GPC6: variants seen among roughly 807,000 people sequenced by gnomAD.
The protein encoded by GPC6 is glypican-6.
Under a neutral mutation model 55.2 loss-of-function variants are expected in GPC6, and 14 were observed. The ratio of observed to expected loss-of-function variants is 0.25; its 90% CI spans 0.17 to 0.40. GPC6 has a LOEUF of 0.40. Among genes scored for constraint, GPC6 ranks in the 10% least tolerant of loss-of-function variants. The pLI is 1.00. For missense variants in GPC6, 641 were observed against 708.5 expected (o/e 0.90, Z 1.08); for synonymous variants, 278 against 259.6 (o/e 1.07, Z -0.68).
At chr13:93,245,295 A>G (rs1450097243) in intron 1 of GPC6, among the ~76,000 whole-genome samples, 1 of 152,102 alleles carries the variant, frequency 6.6e-6, no homozygotes, top group African/African-American at 2.4e-5. Context: ...AGTTTTGGAT[A>G]CTCTGATTTA....
At chr13:93,577,415 G>T (rs967407798) in intron 2 of GPC6, among the ~76,000 whole-genome samples, 19 of 152,188 alleles carry the variant, frequency 1.2e-4, no homozygotes, top group Admixed American at 9.2e-4. Context: ...AGTTCTTTGT[G>T]TGAAGGCCAT....
chr13:93,350,070 T>C (rs570392447), intron 1 of GPC6, among the ~76,000 whole-genome samples: 99 of 152,328 alleles, frequency 6.5e-4, no homozygotes, highest in African/African-American at 2.3e-3. Flanking sequence ...TTAATAGATG[T>C]GGAAATAGGC....
At chr13:94,126,364 C>T (rs1886813347) in intron 4 of GPC6, among the ~76,000 whole-genome samples, 1 of 152,120 alleles carries the variant, frequency 6.6e-6, no homozygotes, top group South Asian at 2.1e-4. Context: ...GCCTGAGTGA[C>T]AGAGCAAGAC....
intron 6 of GPC6, among the ~76,000 whole-genome samples, chr13:94,357,774 C>G (rs900753655): frequency 1.3e-5 from 2 of 152,192 alleles, no homozygotes; most frequent in African/African-American, 4.8e-5. Flanking sequence ...CTTGAAAATA[C>G]ATACTCTACA....
At chr13:93,795,932 G>C (rs945229631) in intron 2 of GPC6, among the ~76,000 whole-genome samples, 1 of 152,098 alleles carries the variant, frequency 6.6e-6, no homozygotes, top group African/African-American at 2.4e-5. Flanking sequence ...GGTTAAGGCT[G>C]GGTGTGGTGG....
At position 93,518,593 on chromosome 13, in the gene GPC6, C is replaced by T. The variant is rs912678168; in HGVS notation, c.161-26670C>T. Among the ~76,000 whole-genome samples, 16 of 152,050 alleles carry T rather than the reference C, an allele frequency of 1.1e-4. No individual in the cohort carries two copies. In the South Asian group the frequency reaches 2.9e-3, roughly 28 times the overall value. ...CCTTAACTGTTATCTTAGTAAACAT[C>T]AAGTTTTCTCATAGTGAGCTACAAA... is the stretch of plus-strand genomic sequence containing the variant. On this transcript the variant is annotated intron_variant, in intron 1 of 8. Transcript: ENST00000377047.
At chr13:94,155,951 A>T (rs1301894011) in intron 4 of GPC6, among the ~76,000 whole-genome samples, 4 of 152,088 alleles carry the variant, frequency 2.6e-5, no homozygotes, top group Non-Finnish European at 4.4e-5. Context: ...CACTCATTTG[A>T]TCCTCACAGG....
chr13:93,715,878 G>T (rs1883236275), intron 2 of GPC6, among the ~76,000 whole-genome samples: 1 of 151,526 alleles, frequency 6.6e-6, no homozygotes, highest in African/African-American at 2.4e-5. Flanking sequence ...AGATTGCCAG[G>T]TGTGATCTGT....
intron 6 of GPC6, among the ~76,000 whole-genome samples, chr13:94,315,531 A>G (rs1333152810): frequency 1.3e-5 from 2 of 152,220 alleles, no homozygotes; most frequent in Non-Finnish European, 2.9e-5. Flanking sequence ...TACTGATCAC[A>G]TCTCATTGGC....
At chr13:93,748,773 T>G (rs1884483910) in intron 2 of GPC6, among the ~76,000 whole-genome samples, 1 of 152,134 alleles carries the variant, frequency 6.6e-6, no homozygotes, top group Admixed American at 6.6e-5. Flanking sequence ...GTGAATTTTC[T>G]AAGTCTTTGA....
At chr13:93,591,538 C>T (rs1877488184) in intron 2 of GPC6, among the ~76,000 whole-genome samples, 1 of 151,116 alleles carries the variant, frequency 6.6e-6, no homozygotes, top group South Asian at 2.1e-4. Context: ...GTAACTTTTG[C>T]ATTCCATAAT....
chr13:93,544,080 T>G (rs1882442060), intron 1 of GPC6, among the ~76,000 whole-genome samples: 1 of 152,110 alleles, frequency 6.6e-6, no homozygotes, highest in Non-Finnish European at 1.5e-5. Context: ...CCTTTTTTTT[T>G]TGTTGTAATT....
At chr13:93,697,851 A>G (rs1882514576) in intron 2 of GPC6, among the ~76,000 whole-genome samples, 1 of 152,164 alleles carries the variant, frequency 6.6e-6, no homozygotes, top group Admixed American at 6.6e-5. Context: ...CTTATAATCC[A>G]TCAACTGTTC....
At chr13:93,587,847 C>T (rs923537805) in intron 2 of GPC6, among the ~76,000 whole-genome samples, 5 of 152,146 alleles carry the variant, frequency 3.3e-5, no homozygotes, top group Admixed American at 1.3e-4. Flanking sequence ...GTTTAGGGAA[C>T]ACATAATGCG....
intron 2 of GPC6, among the ~76,000 whole-genome samples, chr13:93,822,360 T>A (rs1887079590): frequency 6.6e-6 from 1 of 152,134 alleles, no homozygotes; most frequent in Admixed American, 6.6e-5. Context: ...AATATACCAA[T>A]CCCAGAGGTT....
intron 4 of GPC6, among the ~76,000 whole-genome samples, chr13:94,174,197 A>C (rs1888668154): frequency 6.6e-6 from 1 of 152,160 alleles, no homozygotes; most frequent in South Asian, 2.1e-4. Flanking sequence ...GCAAAGCTTG[A>C]GTAATCCATC....
intron 6 of GPC6, among the ~76,000 whole-genome samples, chr13:94,307,154 T>C (rs1362761948): frequency 6.6e-6 from 1 of 152,176 alleles, no homozygotes; most frequent in South Asian, 2.1e-4. Flanking sequence ...AAAAATCAAA[T>C]GTGCTTACAA....
At chr13:94,273,426 A>G (rs889805972) in intron 4 of GPC6, among the ~76,000 whole-genome samples, 2 of 152,218 alleles carry the variant, frequency 1.3e-5, no homozygotes, top group African/African-American at 4.8e-5. Flanking sequence ...CACAGTGCCC[A>G]TGTGGTAAGA....
chr13:93,235,847 A>G (rs1876214378), intron 1 of GPC6, among the ~76,000 whole-genome samples: 1 of 95,848 alleles, frequency 1.0e-5, no homozygotes, highest in African/African-American at 5.3e-5. Flanking sequence ...CCCAGTGCAG[A>G]GTCTTGCAGG....
Sources: allele counts gnomAD v4.1 joint callset (sites outside exome capture counted in the v4.1 genomes callset), GRCh38; gene constraint gnomAD v4.1.1; transcripts MANE v1.5; gene names NCBI Gene and HGNC (gene_info 2026-07-23, HGNC 2026-07-21).